The following ANKRD30A variants were observed in gnomAD, a reference collection of about 807,000 sequenced individuals.
The protein encoded by ANKRD30A is ankyrin repeat domain 30A.
Under a neutral mutation model 166.3 loss-of-function variants are expected in ANKRD30A, and 170 were observed. The ratio of observed to expected loss-of-function variants is 1.02; its 90% CI spans 0.90 to 1.16. The LOEUF is 1.16. ANKRD30A is among the 50% of genes most tolerant of loss of function. The probability of loss-of-function intolerance (pLI) is 0.00; values close to 1 mark genes in which losing one functional copy is unlikely to be tolerated. For missense variants in ANKRD30A, 1,630 were observed against 1,518.0 expected (o/e 1.07, Z -1.23); for synonymous variants, 564 against 508.9 (o/e 1.11, Z -1.46).
intron 13 of ANKRD30A, among the ~76,000 whole-genome samples, chr10:37,155,139 C>A (rs1303969726): frequency 6.6e-6 from 1 of 152,006 alleles, no homozygotes; most frequent in Non-Finnish European, 1.5e-5. Context: ...TGTTGTTATT[C>A]ATAGGTATTT....
chr10:37,141,862 A>G lies in ANKRD30A; in HGVS notation c.965A>G (p.Glu322Gly), dbSNP rs1837152921. ...RTPDTAESLVEKTPDEAASLV... is the reference protein window; with the variant it reads ...RTPDTAESLVGKTPDEAASLV... ...CCTGACACGGCTGAAAGCTTGGTGG[A>G]AAAAACACCTGATGAGGCTGCATCC... The change falls in exon 7 of 36, where the codon GAA becomes GGA. Residue 322 changes from glutamate (E) to glycine (G), a missense_variant. By Grantham distance (98) the Glu-to-Gly change is moderately conservative (BLOSUM62 -2). Coordinates refer to ENST00000361713, the MANE Select transcript of ANKRD30A (RefSeq NM_052997.3). The G allele has an allele frequency of 6.2e-7, 1 of 1,613,932 alleles. No homozygotes were observed. The highest frequency in any genetic ancestry group is 1.7e-5 in the Admixed American group (1 of 59,976).
chr10:37,238,927 T>C, the ANKRD30A span, among the ~76,000 whole-genome samples: 1 of 152,156 alleles, frequency 6.6e-6, no homozygotes, highest in East Asian at 1.9e-4. Flanking sequence ...TAGTCACAGA[T>C]GTGTTATGAA....
At chr10:37,244,076 C>T in the ANKRD30A span, among the ~76,000 whole-genome samples, 33 of 152,146 alleles carry the variant, frequency 2.2e-4, no homozygotes, top group Non-Finnish European at 3.8e-4. Flanking sequence ...ACTTTCCATT[C>T]GTTCACTTGA....
At chr10:37,139,725 A>G (rs912931940) in intron 6 of ANKRD30A, among the ~76,000 whole-genome samples, 1 of 152,122 alleles carries the variant, frequency 6.6e-6, no homozygotes, top group African/African-American at 2.4e-5. Flanking sequence ...GGTTTTATTG[A>G]TTGATTGATT....
At chr10:37,159,576 A>G (rs915085716) in intron 15 of ANKRD30A, among the ~76,000 whole-genome samples, 1 of 152,130 alleles carries the variant, frequency 6.6e-6, no homozygotes, top group African/African-American at 2.4e-5. Context: ...CCATGTGTAC[A>G]ATTTGTTTTC....
chr10:37,160,914 A>C (rs1237226794), intron 15 of ANKRD30A, among the ~76,000 whole-genome samples: 1 of 152,174 alleles, frequency 6.6e-6, no homozygotes, highest in Non-Finnish European at 1.5e-5. Flanking sequence ...ATTGTCAACC[A>C]CATTACTTTA....
At chr10:37,231,860 T>G (rs958905708) in intron 35 of ANKRD30A, among the ~76,000 whole-genome samples, 180 bp downstream of exon 35, 4 of 152,084 alleles carry the variant, frequency 2.6e-5, no homozygotes, top group Admixed American at 6.6e-5. Context: ...GGAGCTCTCA[T>G]TTTCATGAAA....
the ANKRD30A span, among the ~76,000 whole-genome samples, chr10:37,259,295 AT>A: frequency 6.6e-6 from 1 of 152,200 alleles, no homozygotes; most frequent in Non-Finnish European, 1.5e-5. Flanking sequence ...CATCAAAGGC[AT>A]GCAACTTAAA....
intron 8 of ANKRD30A, among the ~76,000 whole-genome samples, chr10:37,146,698 C>T (rs1256506361): frequency 6.6e-6 from 1 of 152,152 alleles, no homozygotes; most frequent in East Asian, 1.9e-4. Context: ...AGTCAATACC[C>T]TTAGAGGGTA....
the ANKRD30A span, among the ~76,000 whole-genome samples, chr10:37,252,557 G>T: frequency 6.6e-6 from 1 of 151,960 alleles, no homozygotes; most frequent in Non-Finnish European, 1.5e-5. Flanking sequence ...TTTCTATTAG[G>T]TGTCAGTTTT....
chr10:37,204,063 C>G (rs530539539), intron 31 of ANKRD30A, among the ~76,000 whole-genome samples: 266 of 152,172 alleles, frequency 1.7e-3, no homozygotes, highest in Admixed American at 5.2e-3. Flanking sequence ...GCCATACTGC[C>G]CAAGGTAATT....
chr10:37,141,754 CCT>C lies in ANKRD30A; in HGVS notation c.858_859del (p.Leu287GlyfsTer6). 1 of 1,611,960 alleles carries C rather than the reference CCT, an allele frequency of 6.2e-7. No individual in the cohort carries two copies. The highest frequency in any genetic ancestry group is 1.7e-5 in the Admixed American group (1 of 59,962). On this transcript the variant is annotated frameshift_variant, in exon 7 of 36. Transcript: ENST00000361713. LOFTEE classifies it high-confidence loss of function. ...GCAGGAACACCTGATGAGGCTGCAC[CCT>C]TGGCGGAAAGAACACCTGACACAGC...
At chr10:37,257,610 A>G in the ANKRD30A span, among the ~76,000 whole-genome samples, 1 of 152,052 alleles carries the variant, frequency 6.6e-6, no homozygotes, top group Non-Finnish European at 1.5e-5. Flanking sequence ...CTTTGTTCTC[A>G]TTGGTTTCAA....
chr10:37,219,618 T>C lies in ANKRD30A; in HGVS notation c.3906T>C (p.Tyr1302=), dbSNP rs751712076. 1 of 1,610,126 alleles carries C rather than the reference T, an allele frequency of 6.2e-7. No homozygotes were observed. Among genetic ancestry groups the C allele is most frequent in the Non-Finnish European group, 8.5e-7 (1 of 1,177,658 alleles). The change falls in exon 34 of 36, where the codon TAT becomes TAC. Residue 1302 remains tyrosine, a synonymous_variant. Transcript: ENST00000361713. ...AAATGAAGGAAGCTGAACACATGTA[T>C]CAAAACGAACAAGATAATGTGAACA... ...QCQMKEAEHM[Y]QNEQDNVNKH...
intron 31 of ANKRD30A, among the ~76,000 whole-genome samples, chr10:37,204,957 T>A (rs1293589058): frequency 6.6e-6 from 1 of 152,140 alleles, no homozygotes; most frequent in African/African-American, 2.4e-5. Context: ...CAACAGGTGC[T>A]GGAGAGGATG....
rs530575108 is a variant in ANKRD30A at position 37,160,424 on chromosome 10, A to G, written c.1900+1838A>G. 9.2e-5 allele frequency among the ~76,000 whole-genome samples: 14 copies of G among 152,286 alleles called. No individual in the cohort carries two copies. In the South Asian group the frequency reaches 2.5e-3, roughly 27 times the overall value. On this transcript the variant is annotated intron_variant, in intron 15 of 35. Transcript: ENST00000361713. ...GAAAATATCAGTAAATAGGAGAAAT[A>G]GGAAAAACATTATGTGAACTATTAG...
chr10:37,193,782 T>C (rs1267231689), intron 27 of ANKRD30A, among the ~76,000 whole-genome samples: 2 of 152,146 alleles, frequency 1.3e-5, no homozygotes, highest in African/African-American at 2.4e-5. Flanking sequence ...CACGGTGTTT[T>C]AGAAGAGTGA....
intron 15 of ANKRD30A, among the ~76,000 whole-genome samples, chr10:37,161,496 T>C (rs1189478728): frequency 6.6e-6 from 1 of 152,132 alleles, no homozygotes; most frequent in African/African-American, 2.4e-5. Context: ...TGAAGCATTC[T>C]AGGCAGGTGA....
intron 19 of ANKRD30A, among the ~76,000 whole-genome samples, chr10:37,168,102 C>G (rs1173113819): frequency 1.0e-4 from 1 of 9,608 alleles, no homozygotes; most frequent in Non-Finnish European, 2.0e-4. Context: ...AATGGTTGTA[C>G]AATGTTGTTG....
Sources: allele counts gnomAD v4.1 joint callset (sites outside exome capture counted in the v4.1 genomes callset), GRCh38; gene constraint gnomAD v4.1.1; transcripts MANE v1.5; gene names NCBI Gene and HGNC (gene_info 2026-07-23, HGNC 2026-07-21).